MCTP1: variants seen among roughly 807,000 people sequenced by gnomAD.
MCTP1 encodes multiple C2 and transmembrane domain-containing protein 1.
In MCTP1, 69 loss-of-function variants were observed where a neutral mutation model predicts 120.6. The observed-to-expected ratio is 0.57, with a 90% confidence interval of 0.47 to 0.70. MCTP1 has a LOEUF of 0.70. Among genes scored for constraint, MCTP1 ranks in the 30% least tolerant of loss-of-function variants. The pLI, the probability that MCTP1 is intolerant of heterozygous loss-of-function variation, is 0.00. For missense variants in MCTP1, 1,203 were observed against 1,248.8 expected, an observed-to-expected ratio of 0.96 and a Z score of 0.55; for synonymous variants, 529 against 493.1, an observed-to-expected ratio of 1.07 and a Z score of -0.96.
chr5:94,978,533 A>C (rs1010481073), intron 2 of MCTP1, among the ~76,000 whole-genome samples: 1 of 152,142 alleles, frequency 6.6e-6, no homozygotes, highest in Non-Finnish European at 1.5e-5. Context: ...TGAAAAAAGA[A>C]GGAAATCCTG....
At chr5:95,263,221 T>C (rs1758616480) in intron 1 of MCTP1, among the ~76,000 whole-genome samples, 1 of 152,158 alleles carries the variant, frequency 6.6e-6, no homozygotes, top group African/African-American at 2.4e-5. Flanking sequence ...TTCTAGCAGC[T>C]CCAGCCCAAG....
chr5:94,787,552 C>T (rs1777987698), intron 18 of MCTP1, among the ~76,000 whole-genome samples: 1 of 152,012 alleles, frequency 6.6e-6, no homozygotes, highest in Non-Finnish European at 1.5e-5. Context: ...TCTAAGCCCC[C>T]ACTTGCTTGC....
At chr5:94,999,792 T>TCCCA (rs1460693608) in intron 2 of MCTP1, among the ~76,000 whole-genome samples, 1 of 152,038 alleles carries the variant, frequency 6.6e-6, no homozygotes, top group East Asian at 1.9e-4. Context: ...GCTTAAGGAG[T>TCCCA]CCCAGACTTA....
chr5:95,022,105 T>C (rs1838304206), intron 1 of MCTP1, among the ~76,000 whole-genome samples: 1 of 152,154 alleles, frequency 6.6e-6, no homozygotes, highest in African/African-American at 2.4e-5. Flanking sequence ...CATGATTATG[T>C]TCAAAACCAT....
intron 7 of MCTP1, among the ~76,000 whole-genome samples, chr5:94,920,696 C>T (rs558816475): frequency 2.6e-4 from 39 of 151,372 alleles, no homozygotes; most frequent in African/African-American, 9.0e-4. Context: ...GAGCCAAGAC[C>T]GCGCCACTGC....
At chr5:95,010,131 A>C (rs1263656431) in intron 2 of MCTP1, among the ~76,000 whole-genome samples, 1 of 152,130 alleles carries the variant, frequency 6.6e-6, no homozygotes, top group Non-Finnish European at 1.5e-5. Context: ...ATTTTCATTA[A>C]TTCTAATAGT....
At chr5:94,783,024 T>C (rs1187958680) in intron 18 of MCTP1, among the ~76,000 whole-genome samples, 1 of 152,124 alleles carries the variant, frequency 6.6e-6, no homozygotes, top group Non-Finnish European at 1.5e-5. Flanking sequence ...ATCAGAAAGA[T>C]GTAATGCAAG....
intron 2 of MCTP1, among the ~76,000 whole-genome samples, chr5:95,015,999 A>C (rs1199066484): frequency 6.6e-6 from 1 of 152,164 alleles, no homozygotes. Flanking sequence ...TAGCAAAATA[A>C]TACTTTGTTA....
chr5:94,740,269 A>G (rs754385195), intron 19 of MCTP1, among the ~76,000 whole-genome samples: 1 of 152,236 alleles, frequency 6.6e-6, no homozygotes, highest in Non-Finnish European at 1.5e-5. Context: ...ACCTCCTTAC[A>G]TGCCTTCAGT....
intron 5 of MCTP1, among the ~76,000 whole-genome samples, chr5:94,939,542 G>C (rs1290892564): frequency 6.6e-6 from 1 of 151,978 alleles, no homozygotes; most frequent in Non-Finnish European, 1.5e-5. Flanking sequence ...TCTCATAGCA[G>C]CATGGTGTGC....
At chr5:94,718,886 A>AT (rs1287406309) in intron 19 of MCTP1, among the ~76,000 whole-genome samples, 4 of 152,036 alleles carry the variant, frequency 2.6e-5, no homozygotes, top group African/African-American at 7.2e-5. Flanking sequence ...CACCTGGCTA[A>AT]TTTTTTGTAT....
At chr5:94,931,026 A>G (rs1814530218) in intron 6 of MCTP1, 1 of 152,160 alleles carries the variant, frequency 6.6e-6, no homozygotes, top group African/African-American at 2.4e-5. Flanking sequence ...CATTAATGCC[A>G]TAGGAATTAG....
At chr5:95,159,051 C>A (rs1745435001) in intron 1 of MCTP1, among the ~76,000 whole-genome samples, 1 of 152,098 alleles carries the variant, frequency 6.6e-6, no homozygotes, top group Non-Finnish European at 1.5e-5. Flanking sequence ...TTGATGTTGA[C>A]TTTAGGCAAT....
In MCTP1 at chr5:95,284,759, G is replaced by GGCC. The variant is rs1427944504; in HGVS notation, c.-187_-185dup. ...TCAGGCCAGCTCGGGGGAAAGAAGCGGCCGCCGCCGCCGAGGCTCTCTGGC... is the reference window on the plus strand; with the variant it reads ...TCAGGCCAGCTCGGGGGAAAGAAGCGGCCGCCGCCGCCGCCGAGGCTCTCTGGC... On this transcript the variant is annotated 5_prime_UTR_variant, in exon 1 of 23. Coordinates refer to ENST00000515393, the MANE Select transcript of MCTP1 (RefSeq NM_024717.7). The surrounding 1 kb of genome is among the most constrained non-coding windows in gnomAD (Gnocchi z 5.2). Among the ~76,000 whole-genome samples, 3 of 151,820 alleles carry GGCC rather than the reference G, an allele frequency of 2.0e-5. No individual in the cohort carries two copies. The highest frequency in any genetic ancestry group is 4.8e-5 in the African/African-American group (2 of 41,350).
chr5:95,206,784 C>A (rs970066406), intron 1 of MCTP1, among the ~76,000 whole-genome samples: 2 of 152,168 alleles, frequency 1.3e-5, no homozygotes, highest in African/African-American at 2.4e-5. Context: ...GATCCACCCC[C>A]CTCGGCCTCC....
chr5:94,912,652 C>T (rs923388810), intron 9 of MCTP1, among the ~76,000 whole-genome samples, 154 bp downstream of exon 9: 14 of 151,952 alleles, frequency 9.2e-5, no homozygotes, highest in African/African-American at 3.1e-4. Context: ...TTTAAAAATG[C>T]TATACAATTA....
chr5:95,213,239 A>G (rs1752616916), intron 1 of MCTP1, among the ~76,000 whole-genome samples: 1 of 152,210 alleles, frequency 6.6e-6, no homozygotes. Context: ...AGAGAGCCAA[A>G]TCATGAGTGA....
In MCTP1 at chr5:95,034,354, C is replaced by T. The variant is rs182205308; in HGVS notation, c.721-16870G>A. Among the ~76,000 whole-genome samples, 214 of 151,808 alleles carry T rather than the reference C, an allele frequency of 1.4e-3. 2 individuals carry two copies. The highest frequency in any genetic ancestry group is 4.0e-3 in the African/African-American group (165 of 41,484). On this transcript the variant is annotated intron_variant, in intron 1 of 22. Transcript: ENST00000515393. ...CAAGGCTATAATAACCAAAGCAGCA[C>T]GGCACTGCTACAAAAATAAACACAT...
chr5:94,946,272 A>G (rs1818895008), intron 3 of MCTP1, among the ~76,000 whole-genome samples: 1 of 152,130 alleles, frequency 6.6e-6, no homozygotes, highest in Non-Finnish European at 1.5e-5. Context: ...CTAGTGGGGA[A>G]GCGTGAGCTG....
Sources: allele counts gnomAD v4.1 joint callset (sites outside exome capture counted in the v4.1 genomes callset), GRCh38; gene constraint gnomAD v4.1.1; non-coding constraint Gnocchi (gnomAD v3.1); transcripts MANE v1.5; gene names NCBI Gene and HGNC (gene_info 2026-07-23, HGNC 2026-07-21).